The following LIPC variants were observed in gnomAD, a reference collection of about 807,000 sequenced individuals.
The protein encoded by LIPC is lipase C, hepatic type.
LIPC carries 44 observed loss-of-function variants against 50.7 expected under a neutral mutation model. The observed-to-expected ratio is 0.87, with a 90% confidence interval of 0.68 to 1.11. The LOEUF is 1.11. Ranked by LOEUF, LIPC falls within the 50% of genes most tolerant of loss-of-function variation. The pLI is 0.00. For missense variants in LIPC, 697 were observed against 648.2 expected (o/e 1.08, Z -0.82); for synonymous variants, 271 against 256.4 (o/e 1.06, Z -0.54).
At chr15:58,454,849 C>A (rs1325059716) in intron 1 of LIPC, 1 of 152,226 alleles carries the variant, frequency 6.6e-6, no homozygotes, top group Non-Finnish European at 1.5e-5. Context: ...AAGCCAATTG[C>A]TAAATTTTCA....
chr15:58,558,536 G>A (rs866663393), intron 6 of LIPC, among the ~76,000 whole-genome samples: 5 of 152,188 alleles, frequency 3.3e-5, no homozygotes, highest in Non-Finnish European at 4.4e-5. Flanking sequence ...AGCCAGAGGT[G>A]AGCAGTGGGC....
At chr15:58,500,860 A>G (rs1356404992) in intron 1 of LIPC, among the ~76,000 whole-genome samples, 2 of 151,740 alleles carry the variant, frequency 1.3e-5, no homozygotes, top group Non-Finnish European at 2.9e-5. Flanking sequence ...TATCCAAATC[A>G]ATGACAAAAC....
intron 1 of LIPC, among the ~76,000 whole-genome samples, chr15:58,466,491 C>T (rs1894569442): frequency 6.6e-6 from 1 of 152,218 alleles, no homozygotes; most frequent in Admixed American, 6.5e-5. Flanking sequence ...ATCAATAGAT[C>T]ACATGATCTC....
At chr15:58,559,531 C>T (rs1894077242) in intron 6 of LIPC, among the ~76,000 whole-genome samples, 1 of 152,126 alleles carries the variant, frequency 6.6e-6, no homozygotes, top group South Asian at 2.1e-4. Context: ...CCAGGCAGTT[C>T]TTATCAATCA....
intron 1 of LIPC, among the ~76,000 whole-genome samples, chr15:58,508,700 C>A (rs1892239247): frequency 6.9e-6 from 1 of 145,552 alleles, no homozygotes; most frequent in Admixed American, 6.9e-5. Context: ...GACATAGTCC[C>A]CAACAAGGTT....
At chr15:58,542,048 C>A in intron 3 of LIPC, 81 bp downstream of exon 3, 1 of 1,438,976 alleles carries the variant, frequency 6.9e-7, no homozygotes, top group Non-Finnish European at 9.5e-7. Context: ...AGCTGGTCTC[C>A]AACAGCAGCC....
At chr15:58,546,543 C>T (rs1256347709) in intron 5 of LIPC, among the ~76,000 whole-genome samples, 1 of 152,204 alleles carries the variant, frequency 6.6e-6, no homozygotes, top group Non-Finnish European at 1.5e-5. Flanking sequence ...GTGCTGTTAT[C>T]TGGGTTGTGA....
chr15:58,549,346 A>G (rs1237482294), intron 6 of LIPC, among the ~76,000 whole-genome samples: 5 of 152,210 alleles, frequency 3.3e-5, no homozygotes, highest in African/African-American at 1.2e-4. Flanking sequence ...TGGGAGAAGA[A>G]ATCTGATGTG....
chr15:58,567,144 GTGAGC>G (rs1376096743), intron 8 of LIPC, among the ~76,000 whole-genome samples: 4 of 147,864 alleles, frequency 2.7e-5, no homozygotes, highest in African/African-American at 1.0e-4. Context: ...AGAGGTTGCG[GTGAGC>G]TGAGATCACA....
chr15:58,522,956 C>A (rs1286183661), intron 1 of LIPC: 1 of 152,344 alleles, frequency 6.6e-6, no homozygotes, highest in Non-Finnish European at 1.5e-5. Flanking sequence ...CTAAAATATC[C>A]TAGCTCCCAG....
intron 1 of LIPC, among the ~76,000 whole-genome samples, chr15:58,448,997 G>T (rs1254902229): frequency 3.9e-5 from 6 of 152,146 alleles, no homozygotes; most frequent in Non-Finnish European, 5.9e-5. Flanking sequence ...TGTGAGAAAA[G>T]AAGCAGGAGA....
intron 1 of LIPC, among the ~76,000 whole-genome samples, chr15:58,469,808 G>A: frequency 6.6e-6 from 1 of 152,178 alleles, no homozygotes; most frequent in East Asian, 1.9e-4. Flanking sequence ...TGCAAGAAAG[G>A]AATGGAACAA....
intron 1 of LIPC, among the ~76,000 whole-genome samples, chr15:58,464,777 A>T (rs1355312250): frequency 6.6e-6 from 1 of 152,226 alleles, no homozygotes; most frequent in Non-Finnish European, 1.5e-5. Flanking sequence ...GTTCAAAACT[A>T]GCTTGGGCAA....
At chr15:58,519,428 A>G (rs1892588277) in intron 1 of LIPC, among the ~76,000 whole-genome samples, 1 of 151,858 alleles carries the variant, frequency 6.6e-6, no homozygotes, top group Admixed American at 6.6e-5. Flanking sequence ...AAAAAAAGAA[A>G]AAAAAGAACT....
At chr15:58,557,373 T>C (rs1238340022) in intron 6 of LIPC, among the ~76,000 whole-genome samples, 1 of 127,344 alleles carries the variant, frequency 7.9e-6, no homozygotes, top group African/African-American at 2.9e-5. Flanking sequence ...ACTGCCATTA[T>C]ATGCTCTTTT....
intron 4 of LIPC, 87 bp downstream of exon 4, chr15:58,542,738 A>G (rs1416920905): frequency 1.2e-6 from 1 of 845,676 alleles, no homozygotes; most frequent in Non-Finnish European, 2.1e-6. Context: ...CTCATCATTA[A>G]AACACCCCAA....
At chr15:58,490,956 G>C (rs531461230) in intron 1 of LIPC, among the ~76,000 whole-genome samples, 3 of 152,166 alleles carry the variant, frequency 2.0e-5, no homozygotes, top group African/African-American at 7.2e-5. Context: ...AGGAAAGAGC[G>C]AGCCCATTAA....
intron 3 of LIPC, 134 bp downstream of exon 3, chr15:58,542,101 G>T: frequency 9.2e-7 from 1 of 1,081,700 alleles, no homozygotes; most frequent in Non-Finnish European, 1.4e-6. Flanking sequence ...GGAATGAGAA[G>T]GCACAGGACT....
intron 1 of LIPC, among the ~76,000 whole-genome samples, chr15:58,506,115 G>A (rs1421182676): frequency 2.0e-5 from 3 of 152,198 alleles, no homozygotes; most frequent in Non-Finnish European, 2.9e-5. Context: ...TTGGGTGCCT[G>A]TAGTACCTCT....
Sources: allele counts gnomAD v4.1 joint callset (sites outside exome capture counted in the v4.1 genomes callset), GRCh38; gene constraint gnomAD v4.1.1; transcripts MANE v1.5; gene names NCBI Gene and HGNC (gene_info 2026-07-23, HGNC 2026-07-21).